Variants in PTN observed in about 807,000 individuals in gnomAD.
PTN encodes the protein pleiotrophin, also known as heparin affin regulatory protein.
In PTN, 18 loss-of-function variants were observed where a neutral mutation model predicts 24.1. That is an observed-to-expected ratio of 0.75 (90% CI 0.52 to 1.11). The LOEUF (loss-of-function observed/expected upper bound fraction) is 1.11, where lower values mean the gene tolerates loss of function less well. PTN is among the 50% of genes least tolerant of loss of function. The pLI is 0.00. For synonymous variants in PTN, 78 were observed against 68.6 expected (o/e 1.14, Z -0.67); for missense variants, 163 against 198.8 (o/e 0.82, Z 1.08).
At chr7:137,287,287 T>A (rs1212345043) in intron 1 of PTN, among the ~76,000 whole-genome samples, 1 of 152,216 alleles carries the variant, frequency 6.6e-6, no homozygotes, top group Non-Finnish European at 1.5e-5. Flanking sequence ...TTATAGTGCT[T>A]CTTTCAAATA....
intron 4 of PTN, among the ~76,000 whole-genome samples, chr7:137,238,278 G>C (rs745751729): frequency 6.6e-6 from 1 of 152,244 alleles, no homozygotes; most frequent in South Asian, 2.1e-4. Context: ...ATGTCATAGC[G>C]GAGGGAAGAC....
intron 4 of PTN, among the ~76,000 whole-genome samples, chr7:137,242,848 G>A (rs1470806935): frequency 6.6e-6 from 1 of 152,188 alleles, no homozygotes; most frequent in Non-Finnish European, 1.5e-5. Flanking sequence ...CCCCACGGAC[G>A]GGTCCATCCG....
At chr7:137,296,406 A>C (rs1585033836) in intron 1 of PTN, among the ~76,000 whole-genome samples, 1 of 152,104 alleles carries the variant, frequency 6.6e-6, no homozygotes, top group African/African-American at 2.4e-5. Flanking sequence ...AGAAAGGTTG[A>C]CAAAGGAAGA....
intron 1 of PTN, among the ~76,000 whole-genome samples, chr7:137,337,988 C>A (rs557270808): frequency 6.6e-6 from 1 of 151,972 alleles, no homozygotes; most frequent in Non-Finnish European, 1.5e-5. Flanking sequence ...CAGCCCTTGC[C>A]TTAATAGGGT....
intron 1 of PTN, among the ~76,000 whole-genome samples, chr7:137,331,863 C>T (rs1331026668): frequency 6.6e-6 from 1 of 152,208 alleles, no homozygotes; most frequent in Non-Finnish European, 1.5e-5. Flanking sequence ...CTGGCACACA[C>T]TGAGTTCTCC....
chr7:137,236,317 C>T (rs1808520128), intron 4 of PTN: 1 of 699,440 alleles, frequency 1.4e-6, no homozygotes, highest in Non-Finnish European at 2.6e-6. Flanking sequence ...TTTCTTTACA[C>T]AGTAGAGTCA....
chr7:137,228,639 T>C (rs538601890), intron 4 of PTN, among the ~76,000 whole-genome samples: 5 of 151,970 alleles, frequency 3.3e-5, no homozygotes, highest in African/African-American at 1.2e-4. Flanking sequence ...ATAAACCATA[T>C]GTACTCTCTC....
chr7:137,276,161 A>G (rs1299605172), intron 1 of PTN, among the ~76,000 whole-genome samples: 1 of 152,214 alleles, frequency 6.6e-6, no homozygotes, highest in East Asian at 1.9e-4. Flanking sequence ...ACAAAGGTCA[A>G]ACACCTAATG....
intron 1 of PTN, among the ~76,000 whole-genome samples, chr7:137,298,850 C>A (rs1211952651): frequency 1.3e-5 from 2 of 151,832 alleles, no homozygotes; most frequent in Non-Finnish European, 2.9e-5. Flanking sequence ...TATAATATAG[C>A]CAGGGATTCA....
chr7:137,271,253 T>A (rs1809266831), intron 1 of PTN, among the ~76,000 whole-genome samples: 1 of 152,220 alleles, frequency 6.6e-6, no homozygotes, highest in African/African-American at 2.4e-5. Flanking sequence ...AATGTTTACA[T>A]TTCCCAAGAA....
chr7:137,338,218 A>G (rs1415057792), intron 1 of PTN, among the ~76,000 whole-genome samples: 1 of 152,170 alleles, frequency 6.6e-6, no homozygotes, highest in Non-Finnish European at 1.5e-5. Context: ...CTTTCCCTTC[A>G]TGTATATGTT....
At chr7:137,238,134 G>C (rs1808556949) in intron 4 of PTN, among the ~76,000 whole-genome samples, 1 of 152,092 alleles carries the variant, frequency 6.6e-6, no homozygotes, top group Non-Finnish European at 1.5e-5. Context: ...CAACAAGCTT[G>C]CTCTGATTTC....
rs142746135 is a variant in PTN, at chr7:137,318,220, A to C, written c.-2+25219T>G. Among the ~76,000 whole-genome samples the C allele has an allele frequency of 7.3e-3, 1,112 of 152,330 alleles. 9 individuals are homozygous for C. Among genetic ancestry groups the C allele is most frequent in the Non-Finnish European group, 0.012 (811 of 68,030 alleles). On this transcript the variant is annotated intron_variant, in intron 1 of 4. Coordinates refer to ENST00000348225, the MANE Select transcript of PTN (RefSeq NM_002825.7). ...GTGGCAGAGGTTGCAGTGTGCTGAG[A>C]TCATGCCACTGCACTCCAGACCGGG... is the stretch of plus-strand genomic sequence containing the variant.
chr7:137,239,566 A>G (rs887139075), intron 4 of PTN, among the ~76,000 whole-genome samples: 4 of 151,528 alleles, frequency 2.6e-5, no homozygotes, highest in South Asian at 2.1e-4. Flanking sequence ...CCACCCCACA[A>G]CAGTCCCCAG....
At position 137,251,230 on chromosome 7, in the gene PTN, C is replaced by A. The variant is rs61735090; in HGVS notation, c.451G>T (p.Ala151Ser). Reference protein sequence around the residue: ...CGKLTKPKPQAESKKKKKEGK... With the variant: ...CGKLTKPKPQSESKKKKKEGK... ...TTGTGGTATAATGGCAAGGACTTAC[C>A]TTGAGGTTTGGGCTTGGTCAGTTTG... The change falls in exon 4 of 5, where the codon GCA (alanine) becomes TCA (serine). Residue 151 changes from alanine to serine, a missense_variant and splice_region_variant. Transcript: ENST00000348225. 8,947 of 1,613,958 alleles carry A rather than the reference C, an allele frequency of 5.5e-3. 50 individuals carry two copies. Among genetic ancestry groups the A allele is most frequent in the Middle Eastern group, 0.024 (148 of 6,060 alleles).
intron 1 of PTN, among the ~76,000 whole-genome samples, chr7:137,313,544 C>T (rs1810019060): frequency 6.6e-6 from 1 of 152,134 alleles, no homozygotes; most frequent in Admixed American, 6.5e-5. Context: ...TTAATCGATC[C>T]CTCACTGTTT....
intron 1 of PTN, among the ~76,000 whole-genome samples, chr7:137,306,381 G>A (rs1472232530): frequency 2.0e-5 from 3 of 152,026 alleles, no homozygotes; most frequent in Non-Finnish European, 4.4e-5. Flanking sequence ...GGGAGGGAGG[G>A]TAGAAAGAAG....
intron 1 of PTN, among the ~76,000 whole-genome samples, chr7:137,290,911 A>G (rs1809629372): frequency 6.6e-6 from 1 of 152,128 alleles, no homozygotes. Flanking sequence ...CACATCAACC[A>G]TTTCTCTTCA....
chr7:137,227,975 A>C lies in PTN; in HGVS notation c.*45T>G. The C allele has an allele frequency of 1.3e-6, 2 of 1,599,950 alleles. No homozygotes were observed. Among genetic ancestry groups the C allele is most frequent in the East Asian group, 2.2e-5 (1 of 44,648 alleles). On this transcript the variant is annotated 3_prime_UTR_variant, in exon 5 of 5. Coordinates refer to ENST00000348225, the MANE Select transcript of PTN (RefSeq NM_002825.7). ...TACATATAAATGCAATAGTTAACTG[A>C]TCCTGTTTGCTGATGTCCTTTTTAT...
Sources: gnomAD v4.1 joint callset for allele counts (sites outside exome capture counted in the v4.1 genomes callset) on GRCh38, gnomAD v4.1.1 for gene constraint, MANE v1.5 for transcripts, NCBI Gene and HGNC (gene_info 2026-07-23, HGNC 2026-07-21) for gene names.